SCAPER: variants seen among roughly 807,000 people sequenced by gnomAD.
SCAPER encodes S phase cyclin A-associated protein in the endoplasmic reticulum.
A neutral mutation model predicts 182.2 loss-of-function variants in SCAPER; 98 were observed. That is an observed-to-expected ratio of 0.54 (90% CI 0.46 to 0.64). The LOEUF (loss-of-function observed/expected upper bound fraction) is 0.64, where lower values mean the gene tolerates loss of function less well. SCAPER is among the 30% of genes least tolerant of loss of function. SCAPER has a pLI of 0.00. For synonymous variants in SCAPER, 605 were observed against 564.6 expected (o/e 1.07, Z -1.01); for missense variants, 1,432 against 1,690.0 (o/e 0.85, Z 2.68).
intron 23 of SCAPER, among the ~76,000 whole-genome samples, chr15:76,553,492 C>A (rs1342309726): frequency 1.3e-5 from 2 of 152,218 alleles, no homozygotes; most frequent in African/African-American, 2.4e-5. Context: ...TCTTGCTGTG[C>A]CACCACAGTT....
At chr15:76,742,608 T>C (rs1451623838) in intron 15 of SCAPER, among the ~76,000 whole-genome samples, 2 of 152,036 alleles carry the variant, frequency 1.3e-5, no homozygotes, top group East Asian at 1.9e-4. Flanking sequence ...TAATGGACTA[T>C]GATCTAATAT....
chr15:76,362,152 T>C (rs1023320723), intron 29 of SCAPER, among the ~76,000 whole-genome samples: 1 of 152,026 alleles, frequency 6.6e-6, no homozygotes, highest in African/African-American at 2.4e-5. Flanking sequence ...TTTGTATTTT[T>C]AGTAGAGACG....
chr15:76,720,558 G>A (rs1428376195), intron 17 of SCAPER, among the ~76,000 whole-genome samples: 1 of 152,144 alleles, frequency 6.6e-6, no homozygotes, highest in Admixed American at 6.5e-5. Context: ...GTGTAAAAGT[G>A]TTCCTATTTC....
In SCAPER at chr15:76,771,886, A is replaced by C; in HGVS notation, c.1104T>G (p.Ser368=). ...TATCAATGTGGACAGCAGATATTTC[A>C]GAAGTTCGAACATAATTGTCTCGAA... ...GSIRDNYVRT[S]EISAVHIDTE... is the part of the protein sequence containing the mutation. The change falls in exon 10 of 32, where the codon TCT becomes TCG. Residue 368 remains serine (S), a synonymous_variant. Coordinates refer to ENST00000563290, the MANE Select transcript of SCAPER (RefSeq NM_020843.4). 1.2e-6 allele frequency: 2 copies of C among 1,613,092 alleles called. No individual in the cohort carries two copies. Among genetic ancestry groups the C allele is most frequent in the Non-Finnish European group, 1.7e-6 (2 of 1,179,444 alleles).
rs2071211711 is a variant in SCAPER at position 76,855,176 on chromosome 15, A to G, written c.195+2633T>C. Among the ~76,000 whole-genome samples the G allele has an allele frequency of 2.6e-5, 4 of 152,302 alleles. No homozygotes were observed. In the South Asian group the frequency reaches 8.3e-4, roughly 32 times the overall value. On this transcript the variant is annotated intron_variant, in intron 4 of 31. Transcript: ENST00000563290. ...ACAAGACAAAAACAAGATATGGAGA[A>G]AGGACTCTCTATTCAACAAATGGTG... is the stretch of plus-strand genomic sequence containing the variant.
intron 23 of SCAPER, among the ~76,000 whole-genome samples, chr15:76,520,582 G>A (rs970726456): frequency 1.3e-5 from 2 of 151,934 alleles, no homozygotes; most frequent in African/African-American, 4.8e-5. Context: ...ACTAACATTT[G>A]TTGTACTCAT....
chr15:76,506,859 G>T (rs1045158180), intron 23 of SCAPER, among the ~76,000 whole-genome samples: 11 of 151,984 alleles, frequency 7.2e-5, no homozygotes, highest in Admixed American at 5.9e-4. Flanking sequence ...AACAATTTTA[G>T]AACTAAACCT....
chr15:76,819,808 C>T (rs1277498226), intron 5 of SCAPER, among the ~76,000 whole-genome samples: 1 of 152,022 alleles, frequency 6.6e-6, no homozygotes, highest in Non-Finnish European at 1.5e-5. Context: ...AACAGGCAAC[C>T]TACAAAATGG....
chr15:76,805,903 T>C (rs1464292248), intron 5 of SCAPER, among the ~76,000 whole-genome samples: 1 of 152,160 alleles, frequency 6.6e-6, no homozygotes, highest in African/African-American at 2.4e-5. Flanking sequence ...TCTATTCAAA[T>C]CCTTTGCCCT....
chr15:76,833,010 C>G (rs2068638138), intron 5 of SCAPER, among the ~76,000 whole-genome samples: 1 of 152,158 alleles, frequency 6.6e-6, no homozygotes, highest in Non-Finnish European at 1.5e-5. Flanking sequence ...CTAGACACAT[C>G]AACATGCAAA....
intron 15 of SCAPER, among the ~76,000 whole-genome samples, chr15:76,735,330 G>A (rs577988578): frequency 6.6e-5 from 10 of 152,098 alleles, no homozygotes; most frequent in South Asian, 2.1e-4. Context: ...CCATGATCGC[G>A]CCACTAAACT....
At chr15:76,876,609 T>G (rs2073180714) in intron 2 of SCAPER, among the ~76,000 whole-genome samples, 1 of 152,156 alleles carries the variant, frequency 6.6e-6, no homozygotes, top group South Asian at 2.1e-4. Flanking sequence ...AATTTATTAA[T>G]CTGTTAATAA....
chr15:76,577,690 A>C (rs1418152429), intron 22 of SCAPER, among the ~76,000 whole-genome samples: 1 of 152,148 alleles, frequency 6.6e-6, no homozygotes, highest in Non-Finnish European at 1.5e-5. Flanking sequence ...CTCACGAGTT[A>C]GCAGTGGTAG....
intron 11 of SCAPER, among the ~76,000 whole-genome samples, chr15:76,766,688 C>G (rs1201013239): frequency 6.6e-6 from 1 of 152,118 alleles, no homozygotes; most frequent in Non-Finnish European, 1.5e-5. Context: ...TCTAACTTGT[C>G]AACTGTATCA....
intron 1 of SCAPER, among the ~76,000 whole-genome samples, chr15:76,887,789 T>G (rs144516469): frequency 3.3e-4 from 50 of 152,338 alleles, no homozygotes; most frequent in Non-Finnish European, 6.6e-4. Context: ...CTGATGGCTC[T>G]GAAGAGAGCA....
chr15:76,880,752 A>G (rs1320734151), intron 2 of SCAPER, among the ~76,000 whole-genome samples: 2 of 152,104 alleles, frequency 1.3e-5, no homozygotes, highest in African/African-American at 2.4e-5. Flanking sequence ...ATACTAAAAT[A>G]TATTACCTTT....
Position 76,832,614 on chromosome 15 carries a change from C to T in SCAPER, c.393+9120G>A, listed in dbSNP as rs145281539. The stretch of plus-strand genomic sequence containing the variant: ...CAAATCTCAAGTTCAATTGTAATCC[C>T]CAGTGCTGGAGGGCCTAGTGGGAGG... On this transcript the variant is annotated intron_variant, in intron 5 of 31. Transcript: ENST00000563290. Among the ~76,000 whole-genome samples the T allele has an allele frequency of 2.6e-4, 40 of 152,244 alleles. No individual in the cohort carries two copies. The East Asian group carries it at 7.3e-3, about 28-fold the overall frequency.
chr15:76,566,205 A>G (rs1000603381), intron 23 of SCAPER, among the ~76,000 whole-genome samples: 5 of 152,166 alleles, frequency 3.3e-5, no homozygotes, highest in Non-Finnish European at 7.4e-5. Flanking sequence ...GGTAGGGAAG[A>G]GTTTCTACCT....
intron 22 of SCAPER, among the ~76,000 whole-genome samples, chr15:76,577,477 G>C (rs1205249221): frequency 6.6e-6 from 1 of 152,098 alleles, no homozygotes; most frequent in Admixed American, 6.5e-5. Flanking sequence ...GAAAAAAAGA[G>C]GACTTTGTCT....
Sources: gnomAD v4.1 joint callset for allele counts (sites outside exome capture counted in the v4.1 genomes callset) on GRCh38, gnomAD v4.1.1 for gene constraint, MANE v1.5 for transcripts, NCBI Gene and HGNC (gene_info 2026-07-23, HGNC 2026-07-21) for gene names.